The following PARD3B variants were observed in gnomAD, a reference collection of about 807,000 sequenced individuals.
PARD3B encodes the protein par-3 family cell polarity regulator beta.
In PARD3B, 103 loss-of-function variants were observed where a neutral mutation model predicts 130.2. The ratio of observed to expected loss-of-function variants is 0.79; its 90% CI spans 0.67 to 0.93. The LOEUF is 0.93. Among genes scored for constraint, PARD3B ranks in the 40% least tolerant of loss-of-function variants. The pLI, the probability that PARD3B is intolerant of heterozygous loss-of-function variation, is 0.00. For missense variants in PARD3B, 1,609 were observed against 1,499.2 expected (o/e 1.07, Z -1.21); for synonymous variants, 583 against 553.2 (o/e 1.05, Z -0.76).
chr2:205,524,870 A>T (rs1295294623), intron 21 of PARD3B, among the ~76,000 whole-genome samples: 2 of 152,154 alleles, frequency 1.3e-5, no homozygotes, highest in African/African-American at 4.8e-5. Flanking sequence ...TTTCCAATAC[A>T]TACTCCTCAA....
At chr2:204,655,099 T>C (rs966814138) in intron 1 of PARD3B, among the ~76,000 whole-genome samples, 2 of 152,228 alleles carry the variant, frequency 1.3e-5, no homozygotes, top group Admixed American at 6.5e-5. Flanking sequence ...CTCATGACTT[T>C]AGAGACATGT....
chr2:205,314,559 A>T (rs750748983), intron 18 of PARD3B, among the ~76,000 whole-genome samples: 1 of 152,192 alleles, frequency 6.6e-6, no homozygotes, highest in African/African-American at 2.4e-5. Context: ...AATAACTGTA[A>T]CTGTTTTCCT....
In PARD3B at chr2:205,366,754, G is replaced by T. The variant is rs1293154427; in HGVS notation, c.2631-34259G>T. On this transcript the variant is annotated intron_variant, in intron 18 of 22. Transcript: ENST00000406610. This position sits in a 1 kb window ranked among gnomAD's most constrained non-coding sequence, Gnocchi z 5.0. The stretch of plus-strand genomic sequence containing the variant: ...CTCAGGCACCAAGCATTTGAATTCT[G>T]CAACCTTTGAAGTTGTATCTCTGCA... Among the ~76,000 whole-genome samples, 1 of 152,128 alleles carries T rather than the reference G, an allele frequency of 6.6e-6. No individual in the cohort carries two copies. Among genetic ancestry groups the T allele is most frequent in the African/African-American group, 2.4e-5 (1 of 41,412 alleles).
At chr2:205,242,057 T>C (rs894057776) in intron 15 of PARD3B, among the ~76,000 whole-genome samples, 7 of 152,208 alleles carry the variant, frequency 4.6e-5, no homozygotes, top group Non-Finnish European at 8.8e-5. Flanking sequence ...TTGTTCCAAA[T>C]TTAACCTTTT....
chr2:204,715,401 A>G (rs2125308318), intron 2 of PARD3B, among the ~76,000 whole-genome samples: 1 of 152,054 alleles, frequency 6.6e-6, no homozygotes, highest in East Asian at 1.9e-4. Context: ...TCACCAGACA[A>G]GAATTTGTAT....
chr2:205,324,668 C>CT (rs2042877607), intron 18 of PARD3B, among the ~76,000 whole-genome samples: 1 of 152,080 alleles, frequency 6.6e-6, no homozygotes, highest in South Asian at 2.1e-4. Context: ...TTCCTGTTAG[C>CT]TTTCTGGCAG....
chr2:204,880,208 T>C (rs73068662), intron 2 of PARD3B, among the ~76,000 whole-genome samples: 3,291 of 152,290 alleles, frequency 0.022, 119 homozygotes, highest in African/African-American at 0.075. Context: ...TGATTTAATA[T>C]AGTTTAGCAT....
Position 205,301,773 on chromosome 2 carries a change from A to G in PARD3B, c.2630+72A>G, listed in dbSNP as rs751686360. 9.9e-6 allele frequency: 16 copies of G among 1,613,246 alleles called. No individual in the cohort carries two copies. The South Asian group carries it at 1.6e-4, about 17-fold the overall frequency. ...CTGGTAAAATCACTCCTTTGTCTGTACTCAGAAAAAAGCGCACGCTTTTCC... is the reference window on the plus strand; with the variant it reads ...CTGGTAAAATCACTCCTTTGTCTGTGCTCAGAAAAAAGCGCACGCTTTTCC... On this transcript the variant is annotated intron_variant, in intron 18 of 22. Coordinates refer to ENST00000406610, the MANE Select transcript of PARD3B (RefSeq NM_001302769.2). The surrounding 1 kb of genome is among the most constrained non-coding windows in gnomAD (Gnocchi z 5.2).
chr2:205,151,648 A>G (rs1390732546), intron 10 of PARD3B, among the ~76,000 whole-genome samples: 1 of 151,964 alleles, frequency 6.6e-6, no homozygotes, highest in Non-Finnish European at 1.5e-5. Context: ...CCTCCATCCC[A>G]TTATTTTGAG....
rs551926212 is a variant in PARD3B, at chr2:204,837,752, G to A, written c.223-127400G>A. ...CTAGTTGGGCAGCTCTAATCATTTC[G>A]AATTTTCACCTGATTTCCGCCTCTC... is the stretch of plus-strand genomic sequence containing the variant. On this transcript the variant is annotated intron_variant, in intron 2 of 22. Transcript: ENST00000406610. 5.3e-5 allele frequency among the ~76,000 whole-genome samples: 8 copies of A among 152,244 alleles called. No individual in the cohort carries two copies. The South Asian group carries it at 1.5e-3, about 28-fold the overall frequency.
intron 2 of PARD3B, among the ~76,000 whole-genome samples, chr2:204,760,782 A>G (rs377089066): frequency 6.6e-6 from 1 of 152,306 alleles, no homozygotes; most frequent in Admixed American, 6.5e-5. Context: ...GTACTGTGCT[A>G]TAAAATGTCT....
intron 4 of PARD3B, among the ~76,000 whole-genome samples, chr2:205,083,397 G>GT (rs1437999913): frequency 6.7e-6 from 1 of 150,306 alleles, no homozygotes; most frequent in African/African-American, 2.4e-5. Flanking sequence ...CTTAAACTAA[G>GT]TAAGAATGGT....
intron 4 of PARD3B, among the ~76,000 whole-genome samples, chr2:205,054,428 A>ATTT (rs1344857439): frequency 9.4e-5 from 3 of 31,828 alleles, no homozygotes; most frequent in African/African-American, 2.8e-4. Flanking sequence ...ATATATATAT[A>ATTT]TATATATATT....
At chr2:204,701,569 T>A (rs1438746736) in intron 2 of PARD3B, among the ~76,000 whole-genome samples, 1 of 152,184 alleles carries the variant, frequency 6.6e-6, no homozygotes, top group South Asian at 2.1e-4. Flanking sequence ...TAACTTTTTT[T>A]AAATCTGAAA....
Position 204,906,830 on chromosome 2 carries a change from A to G in PARD3B, c.223-58322A>G, listed in dbSNP as rs2047056759. Among the ~76,000 whole-genome samples the G allele has an allele frequency of 1.3e-5, 2 of 152,182 alleles. No individual in the cohort carries two copies. The highest frequency in any genetic ancestry group is 1.3e-4 in the Admixed American group (2 of 15,280). ...TTTCATCTGCGTGGTTTTGTACACC[A>G]TTTGAATTGGGATGCTTATGGTGAT... On this transcript the variant is annotated intron_variant, in intron 2 of 22. Coordinates refer to ENST00000406610, the MANE Select transcript of PARD3B (RefSeq NM_001302769.2). The surrounding 1 kb of genome is among the most constrained non-coding windows in gnomAD (Gnocchi z 4.3).
intron 3 of PARD3B, among the ~76,000 whole-genome samples, chr2:205,038,691 A>G (rs537654440): frequency 1.3e-5 from 2 of 152,326 alleles, no homozygotes; most frequent in South Asian, 4.1e-4. Flanking sequence ...ATGCTTTATC[A>G]TGCGTGTGCT....
intron 2 of PARD3B, among the ~76,000 whole-genome samples, chr2:204,817,256 A>C: frequency 6.9e-6 from 1 of 145,678 alleles, no homozygotes; most frequent in South Asian, 2.2e-4. Flanking sequence ...ACATCTAGGA[A>C]TTTTTTTTTT....
intron 2 of PARD3B, among the ~76,000 whole-genome samples, chr2:204,891,160 C>CTG (rs2046430035): frequency 6.6e-6 from 1 of 151,506 alleles, no homozygotes; most frequent in Non-Finnish European, 1.5e-5. Context: ...CAACTGCACG[C>CTG]TGTGTGTTTT....
chr2:205,505,646 T>A (rs1202905157), intron 21 of PARD3B, among the ~76,000 whole-genome samples: 1 of 152,220 alleles, frequency 6.6e-6, no homozygotes, highest in Admixed American at 6.5e-5. Flanking sequence ...GAAAACATAA[T>A]ACCTGTTATC....
Sources: gnomAD v4.1 joint callset for allele counts (sites outside exome capture counted in the v4.1 genomes callset) on GRCh38, gnomAD v4.1.1 for gene constraint, Gnocchi (gnomAD v3.1) non-coding constraint, MANE v1.5 for transcripts, NCBI Gene and HGNC (gene_info 2026-07-23, HGNC 2026-07-21) for gene names.